SDCBP: variants seen among roughly 807,000 people sequenced by gnomAD.
The protein encoded by SDCBP is syndecan binding protein, also known as syntenin-1.
SDCBP carries 22 observed loss-of-function variants against 30.5 expected under a neutral mutation model. The observed-to-expected ratio is 0.72, with a 90% CI of 0.52 to 1.03. The LOEUF (loss-of-function observed/expected upper bound fraction) is 1.03, where lower values mean the gene tolerates loss of function less well. SDCBP is among the 50% of genes least tolerant of loss of function. The probability of loss-of-function intolerance (pLI) is 0.00; values close to 1 mark genes in which losing one functional copy is unlikely to be tolerated. For synonymous variants in SDCBP, 103 were observed against 118.7 expected, an observed-to-expected ratio of 0.87 and a Z score of 0.86; for missense variants, 304 against 369.9, an observed-to-expected ratio of 0.82 and a Z score of 1.46.
At chr8:58,557,037 A>G (rs1398555329) in intron 1 of SDCBP, among the ~76,000 whole-genome samples, 17 of 132,728 alleles carry the variant, frequency 1.3e-4, no homozygotes, top group South Asian at 9.1e-4. Context: ...TTATAAGTAT[A>G]TAAGATATAC....
Position 58,582,084 on chromosome 8 carries a change from T to G in SDCBP, c.*344T>G. 1 of 270,770 alleles carries G rather than the reference T, an allele frequency of 3.7e-6. No homozygotes were observed. Among genetic ancestry groups the G allele is most frequent in the Non-Finnish European group, 7.1e-6 (1 of 140,504 alleles). 16.8% of individuals were successfully genotyped at this position (270,770 alleles called of 1,614,324 possible). A position where few individuals can be genotyped will look rare whatever the true frequency, so the allele number is the denominator to read the frequency against. ...GTGTGAAAACCAGTCACCTTTCTCCTAGGTAATGAGTAGTGCTGTTCATAT... is the reference window on the plus strand; with the variant it reads ...GTGTGAAAACCAGTCACCTTTCTCCGAGGTAATGAGTAGTGCTGTTCATAT... On this transcript the variant is annotated 3_prime_UTR_variant, in exon 9 of 9. Coordinates refer to ENST00000260130, the MANE Select transcript of SDCBP (RefSeq NM_005625.4).
intron 5 of SDCBP, chr8:58,576,402 C>A (rs1317349488): frequency 1.9e-5 from 3 of 160,024 alleles, no homozygotes; most frequent in African/African-American, 5.0e-5. Flanking sequence ...CAATGAGAGT[C>A]AATGTCAGTG....
At chr8:58,568,136 C>T (rs185756380) in intron 2 of SDCBP, among the ~76,000 whole-genome samples, 30 of 152,300 alleles carry the variant, frequency 2.0e-4, no homozygotes, top group African/African-American at 4.8e-4. Context: ...AACTTTCTGA[C>T]TCTTGTAATA....
chr8:58,579,308 CTA>C (rs764249105), intron 6 of SDCBP, among the ~76,000 whole-genome samples: 1 of 151,776 alleles, frequency 6.6e-6, no homozygotes, highest in African/African-American at 2.4e-5. Context: ...GTTAAAAAGC[CTA>C]TGTCATTCTT....
intron 4 of SDCBP, 83 bp downstream of exon 4, chr8:58,572,397 A>G: frequency 1.1e-6 from 1 of 880,094 alleles, no homozygotes; most frequent in Non-Finnish European, 1.9e-6. Context: ...TGGCTAACTC[A>G]CAGATATACT....
intron 4 of SDCBP, among the ~76,000 whole-genome samples, chr8:58,572,610 A>G (rs1040986467): frequency 2.0e-5 from 3 of 151,772 alleles, no homozygotes; most frequent in Admixed American, 6.6e-5. Context: ...TCTTGTATTC[A>G]TTTTATCTGT....
chr8:58,582,475 G>A lies in SDCBP; in HGVS notation c.*735G>A, dbSNP rs989951755. 1.3e-5 allele frequency: 2 copies of A among 152,616 alleles called. No homozygotes were observed. Among genetic ancestry groups the A allele is most frequent in the Non-Finnish European group, 2.9e-5 (2 of 68,052 alleles). The allele number at this position is 152,616 out of a possible 1,614,324, so 9.5% of individuals were successfully genotyped here. A position where few individuals can be genotyped will look rare whatever the true frequency, so the allele number is the denominator to read the frequency against. On this transcript the variant is annotated 3_prime_UTR_variant, in exon 9 of 9. Transcript: ENST00000260130. ...ATGGTACTTACTGAGCTATAGCATAGCTGCTTAGTTGTTTTTGAGATTTTT... is the reference window on the plus strand; with the variant it reads ...ATGGTACTTACTGAGCTATAGCATAACTGCTTAGTTGTTTTTGAGATTTTT...
intron 5 of SDCBP, among the ~76,000 whole-genome samples, chr8:58,577,573 C>T (rs546445901): frequency 6.6e-6 from 1 of 152,144 alleles, no homozygotes; most frequent in East Asian, 1.9e-4. Flanking sequence ...GAATTATGAC[C>T]TTAAACTGTC....
intron 1 of SDCBP, among the ~76,000 whole-genome samples, chr8:58,562,085 A>C (rs1009833391): frequency 3.9e-5 from 6 of 151,914 alleles, no homozygotes; most frequent in Admixed American, 6.6e-5. Flanking sequence ...AAAAAAAAAA[A>C]CAGTGAAACA....
intron 6 of SDCBP, 141 bp from the exon 7 acceptor site, chr8:58,579,481 TA>T: frequency 1.8e-6 from 1 of 540,990 alleles, no homozygotes; most frequent in Non-Finnish European, 2.9e-6. Context: ...CGTGAATGTA[TA>T]AAATCAGAGC....
At chr8:58,567,918 G>A (rs1408652123) in intron 2 of SDCBP, among the ~76,000 whole-genome samples, 1 of 152,158 alleles carries the variant, frequency 6.6e-6, no homozygotes, top group South Asian at 2.1e-4. Context: ...TCTGTATAAG[G>A]CACTTACCAT....
chr8:58,566,952 T>A (rs1031885317), intron 2 of SDCBP, among the ~76,000 whole-genome samples: 1 of 152,194 alleles, frequency 6.6e-6, no homozygotes, highest in Admixed American at 6.5e-5. Context: ...TGTGGTTTCC[T>A]CTACTTATGC....
intron 1 of SDCBP, among the ~76,000 whole-genome samples, chr8:58,556,670 C>T (rs1001693258): frequency 2.0e-5 from 3 of 151,330 alleles, no homozygotes; most frequent in South Asian, 2.1e-4. Context: ...GTCCAGAGAG[C>T]GAATAAACTA....
Position 58,572,225 on chromosome 8 carries a change from C to A in SDCBP, c.151C>A (p.Pro51Thr). Reference protein sequence around the residue: ...HDGNLYPRLYPELSQYMGLSL... With the variant: ...HDGNLYPRLYTELSQYMGLSL... Reference sequence around the variant, plus strand: ...TTTAGATCTCTATCCCAGACTGTATCCAGAGCTCTCTCAATACATGGGGCT... The same window carrying A: ...TTTAGATCTCTATCCCAGACTGTATACAGAGCTCTCTCAATACATGGGGCT... Residue 51 changes from proline to threonine, a missense_variant, in exon 4 of 9, where the codon CCA (proline) becomes ACA (threonine). By Grantham distance (38) the Pro-to-Thr change is conservative (BLOSUM62 -1). Coordinates refer to ENST00000260130, the MANE Select transcript of SDCBP (RefSeq NM_005625.4). 6.2e-7 allele frequency: 1 copy of A among 1,606,724 alleles called. No individual in the cohort carries two copies. Among genetic ancestry groups the A allele is most frequent in the Non-Finnish European group, 8.5e-7 (1 of 1,175,012 alleles).
In SDCBP at chr8:58,579,869, G is replaced by A. The variant is rs865854144; in HGVS notation, c.750+75G>A. 7.9e-5 allele frequency: 110 copies of A among 1,384,662 alleles called. No homozygotes were observed. In the Middle Eastern group the frequency reaches 3.7e-3, roughly 47 times the overall value. The allele number at this position is 1,384,662 out of a possible 1,614,324, so 85.8% of individuals were successfully genotyped here. A position where few individuals can be genotyped will look rare whatever the true frequency, so the allele number is the denominator to read the frequency against. On this transcript the variant is annotated intron_variant, in intron 7 of 8. Transcript: ENST00000260130. ...TGTCTTTTGACTGTATTTAGGTGGC[G>A]CTGTTTTCATATTGACTTAGGTGGG...
chr8:58,567,430 T>C (rs1219719855), intron 2 of SDCBP, among the ~76,000 whole-genome samples: 1 of 152,220 alleles, frequency 6.6e-6, no homozygotes, highest in African/African-American at 2.4e-5. Flanking sequence ...AAGTACAGTA[T>C]ACCTTCTGTC....
chr8:58,555,535 TC>T (rs1424090722), intron 1 of SDCBP, among the ~76,000 whole-genome samples: 1 of 152,142 alleles, frequency 6.6e-6, no homozygotes, highest in Non-Finnish European at 1.5e-5. Context: ...AAAGAAGAGT[TC>T]CTAAGTCCTT....
intron 5 of SDCBP, among the ~76,000 whole-genome samples, chr8:58,577,378 A>G (rs149121280): frequency 4.4e-4 from 67 of 152,366 alleles, no homozygotes; most frequent in African/African-American, 1.5e-3. Context: ...AAAAATATCC[A>G]TGTGAGTGTA....
At position 58,578,104 on chromosome 8, in the gene SDCBP, A is replaced by G; in HGVS notation, c.474A>G (p.Val158=). Residue 158 remains valine (V), a synonymous_variant, in exon 6 of 9, where the codon GTA becomes GTG. Coordinates refer to ENST00000260130, the MANE Select transcript of SDCBP (RefSeq NM_005625.4). ...SLVGLRFGDQ[V]LQINGENCAG... ...TTGGTCTGAGATTTGGGGACCAAGT[A>G]CTTCAGATCAATGGTGAAAACTGTG... 1 of 1,613,992 alleles carries G rather than the reference A, an allele frequency of 6.2e-7. No homozygotes were observed. The highest frequency in any genetic ancestry group is 1.1e-5 in the South Asian group (1 of 91,080).
Sources: gnomAD v4.1 joint callset for allele counts (sites outside exome capture counted in the v4.1 genomes callset) on GRCh38, gnomAD v4.1.1 for gene constraint, MANE v1.5 for transcripts, NCBI Gene and HGNC (gene_info 2026-07-23, HGNC 2026-07-21) for gene names.